Variants in NDST3 observed in about 807,000 individuals in gnomAD.
NDST3 encodes N-deacetylase and N-sulfotransferase 3.
A neutral mutation model predicts 96.1 loss-of-function variants in NDST3; 58 were observed. The observed-to-expected ratio is 0.60, with a 90% CI of 0.49 to 0.75. The LOEUF (loss-of-function observed/expected upper bound fraction) is 0.75. NDST3 is among the 30% of genes least tolerant of loss of function. The pLI, the probability that NDST3 is intolerant of heterozygous loss-of-function variation, is 0.00. For missense variants in NDST3, 788 were observed against 1,034.2 expected (o/e 0.76, Z 3.27); for synonymous variants, 333 against 359.7 (o/e 0.93, Z 0.84).
intron 6 of NDST3, among the ~76,000 whole-genome samples, chr4:118,216,502 CT>C (rs1411072202): frequency 6.6e-6 from 1 of 151,876 alleles, no homozygotes; most frequent in Non-Finnish European, 1.5e-5. Flanking sequence ...TTATTATATC[CT>C]TTTTGTTTTC....
At position 118,054,866 on chromosome 4, in the gene NDST3, C is replaced by G. The variant is rs778628771; in HGVS notation, c.956C>G (p.Thr319Arg). 5 of 1,611,454 alleles carry G rather than the reference C, an allele frequency of 3.1e-6. No homozygotes were observed. The East Asian group carries it at 1.1e-4, about 36-fold the overall frequency. ...GATATATTTGTGGGAAAAGAGGGAA[C>G]AAGAATGAACACCAATGATGTAAAG... ...IDDIFVGKEG[T>R]RMNTNDVKAL... The change falls in exon 2 of 14, where the codon ACA becomes AGA. Residue 319 changes from threonine (T) to arginine (R), a missense_variant. By Grantham distance (71) the Thr-to-Arg change is moderately conservative (BLOSUM62 -1). This residue lies in a region of NDST3 where 490 missense variants were observed against 708.8 expected (regional missense o/e 0.69). Coordinates refer to ENST00000296499, the MANE Select transcript of NDST3 (RefSeq NM_004784.3).
chr4:118,060,799 A>G (rs1475598987), intron 2 of NDST3, among the ~76,000 whole-genome samples: 1 of 152,100 alleles, frequency 6.6e-6, no homozygotes, highest in Non-Finnish European at 1.5e-5. Flanking sequence ...TACCTCAGTC[A>G]AAAGGTACAA....
At chr4:118,227,016 A>T (rs913803082) in intron 8 of NDST3, 34 bp downstream of exon 8, 3 of 1,403,496 alleles carry the variant, frequency 2.1e-6, no homozygotes, top group Non-Finnish European at 2.0e-6. Flanking sequence ...TAACGAGTGT[A>T]AATTTTCTGA....
At chr4:118,194,903 T>C (rs1307596839) in intron 6 of NDST3, among the ~76,000 whole-genome samples, 1 of 152,138 alleles carries the variant, frequency 6.6e-6, no homozygotes. Context: ...TGCCAGTCTG[T>C]AGTATGATTT....
intron 2 of NDST3, among the ~76,000 whole-genome samples, chr4:118,071,112 T>C (rs1727035197): frequency 6.6e-6 from 1 of 152,076 alleles, no homozygotes; most frequent in Admixed American, 6.6e-5. Context: ...ATTTTCTTAA[T>C]CCAGTCTATC....
In NDST3 at chr4:118,147,795, C is replaced by T. The variant is rs76901737; in HGVS notation, c.1539+4111C>T. ...ATATTATCATCTCATATGCACTAAA[C>T]AAAAATGTCACTTTTTTGCTTCAGG... On this transcript the variant is annotated intron_variant, in intron 6 of 13. Coordinates refer to ENST00000296499, the MANE Select transcript of NDST3 (RefSeq NM_004784.3). Among the ~76,000 whole-genome samples, 16 of 152,234 alleles carry T rather than the reference C, an allele frequency of 1.1e-4. 1 individual carries two copies. In the East Asian group the frequency reaches 2.7e-3, roughly 26 times the overall value.
chr4:118,232,510 C>T (rs1274144339), intron 8 of NDST3, among the ~76,000 whole-genome samples: 1 of 151,652 alleles, frequency 6.6e-6, no homozygotes, highest in Non-Finnish European at 1.5e-5. Context: ...CACAGTGGTG[C>T]ATCTCTGTAG....
intron 6 of NDST3, among the ~76,000 whole-genome samples, chr4:118,215,684 A>T (rs1739151462): frequency 6.6e-6 from 1 of 152,156 alleles, no homozygotes. Flanking sequence ...CTAAGATCAC[A>T]TGGGAGTTGA....
intron 2 of NDST3, among the ~76,000 whole-genome samples, chr4:118,084,859 G>A (rs1012571604): frequency 6.6e-6 from 1 of 152,136 alleles, no homozygotes; most frequent in Non-Finnish European, 1.5e-5. Flanking sequence ...GGTGGCTCAC[G>A]CCTGTAATCC....
chr4:118,176,014 C>T (rs559549350), intron 6 of NDST3, among the ~76,000 whole-genome samples: 1 of 151,902 alleles, frequency 6.6e-6, no homozygotes, highest in Middle Eastern at 3.4e-3. Flanking sequence ...TCCAAAGTGG[C>T]AAAAAATGCA....
At chr4:118,246,028 T>G (rs1442123146) in intron 12 of NDST3, among the ~76,000 whole-genome samples, 2 of 152,176 alleles carry the variant, frequency 1.3e-5, no homozygotes, top group Non-Finnish European at 2.9e-5. Context: ...TAATAGTGAA[T>G]AGCATATTAA....
chr4:118,243,582 T>C (rs1189434230), intron 12 of NDST3, among the ~76,000 whole-genome samples: 1 of 152,226 alleles, frequency 6.6e-6, no homozygotes, highest in Non-Finnish European at 1.5e-5. Flanking sequence ...TGATTTCAGT[T>C]TGCACTTAAA....
At chr4:118,073,322 G>A (rs1452834844) in intron 2 of NDST3, among the ~76,000 whole-genome samples, 1 of 152,050 alleles carries the variant, frequency 6.6e-6, no homozygotes, top group Admixed American at 6.6e-5. Flanking sequence ...TCTATGTCTG[G>A]TAGAATTCAG....
At chr4:118,115,108 C>T in intron 4 of NDST3, 148 bp downstream of exon 4, 1 of 769,664 alleles carries the variant, frequency 1.3e-6, no homozygotes, top group East Asian at 2.7e-5. Flanking sequence ...CAGTATGTGG[C>T]TCTTGAGTTT....
At chr4:118,095,755 A>G (rs1729249735) in intron 2 of NDST3, among the ~76,000 whole-genome samples, 2 of 151,864 alleles carry the variant, frequency 1.3e-5, no homozygotes, top group African/African-American at 4.8e-5. Flanking sequence ...ACTGGCAACC[A>G]CCAATCTACT....
At chr4:118,074,272 G>A (rs1332291650) in intron 2 of NDST3, among the ~76,000 whole-genome samples, 1 of 152,132 alleles carries the variant, frequency 6.6e-6, no homozygotes, top group East Asian at 1.9e-4. Context: ...GGAAAGTTCT[G>A]TAGATATCTA....
chr4:118,072,872 G>A (rs1403044867), intron 2 of NDST3, among the ~76,000 whole-genome samples: 5 of 152,024 alleles, frequency 3.3e-5, no homozygotes, highest in Admixed American at 3.3e-4. Context: ...GTTTGTCATA[G>A]ATATCCCTTA....
At chr4:118,176,405 A>G (rs757978921) in intron 6 of NDST3, among the ~76,000 whole-genome samples, 2 of 152,142 alleles carry the variant, frequency 1.3e-5, no homozygotes, top group East Asian at 3.8e-4. Flanking sequence ...AAAGTTGCAT[A>G]TTATTATGAC....
intron 1 of NDST3, among the ~76,000 whole-genome samples, chr4:118,042,158 C>G (rs1394885938): frequency 6.6e-6 from 1 of 152,180 alleles, no homozygotes; most frequent in Non-Finnish European, 1.5e-5. Context: ...ATCTATCTAT[C>G]TGAATCTGAA....
Sources: allele counts gnomAD v4.1 joint callset (sites outside exome capture counted in the v4.1 genomes callset), GRCh38; gene constraint gnomAD v4.1.1; regional missense constraint gnomAD v4.1.1; transcripts MANE v1.5; gene names NCBI Gene and HGNC (gene_info 2026-07-23, HGNC 2026-07-21).